The following ADGRA3 variants were observed in gnomAD, a reference collection of about 807,000 sequenced individuals.
ADGRA3 encodes the protein adhesion G protein-coupled receptor A3.
A neutral mutation model predicts 119.8 loss-of-function variants in ADGRA3; 56 were observed. That is an observed-to-expected ratio of 0.47 (90% confidence interval 0.38 to 0.58). The LOEUF (loss-of-function observed/expected upper bound fraction) is 0.58. ADGRA3 is among the 20% of genes least tolerant of loss of function. The probability of loss-of-function intolerance (pLI) is 0.00; values close to 1 mark genes in which losing one functional copy is unlikely to be tolerated. For synonymous variants in ADGRA3, 607 were observed against 623.8 expected, an observed-to-expected ratio of 0.97 and a Z score of 0.40; for missense variants, 1,516 against 1,649.0, an observed-to-expected ratio of 0.92 and a Z score of 1.40.
intron 2 of ADGRA3, among the ~76,000 whole-genome samples, chr4:22,465,714 T>C (rs189533476): frequency 5.3e-5 from 8 of 152,300 alleles, no homozygotes; most frequent in Admixed American, 6.5e-5. Flanking sequence ...GGCCAAGTTG[T>C]TGATTTTAAT....
At position 22,509,941 on chromosome 4, in the gene ADGRA3, C is replaced by A. The variant is rs529572657; in HGVS notation, c.257+5587G>T. On this transcript the variant is annotated intron_variant, in intron 1 of 18. Transcript: ENST00000334304. ...AGGAGAATGGCGTGAACCCGGGAGG[C>A]GGAGCTTGCAGTGAGCCGAGATCGC... Among the ~76,000 whole-genome samples the A allele has an allele frequency of 6.5e-3, 905 of 139,238 alleles. 7 individuals carry two copies. Among genetic ancestry groups the A allele is most frequent in the African/African-American group, 0.024 (870 of 36,974 alleles). The allele number at this position is 139,238 out of a possible 152,430, so 91.3% of individuals were successfully genotyped here.
intron 12 of ADGRA3, among the ~76,000 whole-genome samples, chr4:22,418,501 A>G (rs776470465): frequency 5.9e-5 from 9 of 152,166 alleles, no homozygotes; most frequent in Non-Finnish European, 1.3e-4. Flanking sequence ...TAGGAGAATT[A>G]GCACAAGCCT....
At chr4:22,404,006 A>G (rs546984288) in intron 14 of ADGRA3, among the ~76,000 whole-genome samples, 1 of 152,298 alleles carries the variant, frequency 6.6e-6, no homozygotes, top group South Asian at 2.1e-4. Flanking sequence ...AATGAAAACA[A>G]TGGGCATCTT....
At chr4:22,473,640 A>AT in intron 2 of ADGRA3, 132 bp downstream of exon 2, 1 of 552,202 alleles carries the variant, frequency 1.8e-6, no homozygotes, top group Admixed American at 3.6e-5. Flanking sequence ...AAAATTTTTC[A>AT]TTAAAAAATG....
chr4:22,473,948 T>G, intron 1 of ADGRA3, 105 bp from the exon 2 acceptor site: 1 of 615,702 alleles, frequency 1.6e-6, no homozygotes, highest in East Asian at 3.0e-5. Flanking sequence ...AGACATCATT[T>G]ATTAGCCAGA....
At chr4:22,432,019 TTGC>T (rs1428726453) in intron 10 of ADGRA3, among the ~76,000 whole-genome samples, 1 of 152,126 alleles carries the variant, frequency 6.6e-6, no homozygotes, top group Non-Finnish European at 1.5e-5. Flanking sequence ...AAGTGAGGGC[TTGC>T]TGTATTGAAA....
chr4:22,420,783 G>GA, intron 12 of ADGRA3, 103 bp downstream of exon 12: 2 of 1,138,214 alleles, frequency 1.8e-6, no homozygotes, highest in African/African-American at 3.1e-5. Flanking sequence ...CTATCTTCCT[G>GA]CAAAAAAAAA....
intron 4 of ADGRA3, among the ~76,000 whole-genome samples, chr4:22,449,605 G>C (rs35852147): frequency 0.04 from 6,114 of 152,200 alleles, 199 homozygotes; most frequent in East Asian, 0.18. Context: ...CCAGCACTTT[G>C]GGAGGCCAAG....
At chr4:22,500,366 C>A (rs747478153) in intron 1 of ADGRA3, among the ~76,000 whole-genome samples, 1 of 152,168 alleles carries the variant, frequency 6.6e-6, no homozygotes, top group Non-Finnish European at 1.5e-5. Context: ...GTAGACAATA[C>A]GGAGCTCATA....
intron 1 of ADGRA3, among the ~76,000 whole-genome samples, chr4:22,499,294 C>A (rs1718966483): frequency 6.6e-6 from 1 of 152,162 alleles, no homozygotes; most frequent in Non-Finnish European, 1.5e-5. Flanking sequence ...AATCATAGAA[C>A]TTTAGCAGTT....
chr4:22,470,320 TAA>T (rs35417919), intron 2 of ADGRA3, among the ~76,000 whole-genome samples: 7 of 141,294 alleles, frequency 5.0e-5, no homozygotes, highest in African/African-American at 1.1e-4. Flanking sequence ...GCTCCTAAAT[TAA>T]AAAAAAAAAA....
At position 22,444,920 on chromosome 4, in the gene ADGRA3, G is replaced by A. The variant is rs1577352969; in HGVS notation, c.706+53C>T. The A allele has an allele frequency of 2.3e-5, 36 of 1,567,002 alleles. 1 individual carries two copies. The East Asian group carries it at 8.1e-4, about 35-fold the overall frequency. On this transcript the variant is annotated intron_variant, in intron 6 of 18. Coordinates refer to ENST00000334304, the MANE Select transcript of ADGRA3 (RefSeq NM_145290.4). The stretch of plus-strand genomic sequence containing the variant: ...TCTTACAATTTGTCAAGAAAAACAT[G>A]GTAGCAAGTCAAAATATGGTAAATG...
chr4:22,458,817 C>A (rs889345357), intron 3 of ADGRA3, among the ~76,000 whole-genome samples: 1 of 152,106 alleles, frequency 6.6e-6, no homozygotes, highest in Non-Finnish European at 1.5e-5. Flanking sequence ...CATTAAAAGT[C>A]TTCACTAGAA....
chr4:22,478,495 G>A (rs1471518915), intron 1 of ADGRA3, among the ~76,000 whole-genome samples: 3 of 152,070 alleles, frequency 2.0e-5, no homozygotes, highest in Non-Finnish European at 4.4e-5. Context: ...CAAATGTGTT[G>A]GAGCTATAAT....
intron 4 of ADGRA3, among the ~76,000 whole-genome samples, chr4:22,451,635 T>C (rs1717045959): frequency 6.6e-6 from 1 of 151,868 alleles, no homozygotes; most frequent in South Asian, 2.1e-4. Context: ...ATTATTAAAT[T>C]TCCAAAGCCA....
intron 8 of ADGRA3, among the ~76,000 whole-genome samples, 197 bp from the exon 9 acceptor site, chr4:22,436,838 G>A (rs531463963): frequency 1.3e-5 from 2 of 152,272 alleles, no homozygotes; most frequent in East Asian, 3.9e-4. Flanking sequence ...AATTCAACAT[G>A]TTTAATACAA....
At chr4:22,429,253 C>T (rs1241480020) in intron 10 of ADGRA3, among the ~76,000 whole-genome samples, 4 of 152,164 alleles carry the variant, frequency 2.6e-5, no homozygotes, top group African/African-American at 7.2e-5. Flanking sequence ...CAAACACGTA[C>T]GTGCACTTCC....
In ADGRA3 at chr4:22,435,199, C is replaced by G. The variant is rs143917322; in HGVS notation, c.1443+112G>C. 4.3e-4 allele frequency: 394 copies of G among 919,702 alleles called. No homozygotes were observed. In the African/African-American group the frequency reaches 5.1e-3, roughly 12 times the overall value. 57.0% of individuals were successfully genotyped at this position (919,702 alleles called of 1,614,324 possible). A position where few individuals can be genotyped will look rare whatever the true frequency, so the allele number is the denominator to read the frequency against. On this transcript the variant is annotated intron_variant, in intron 10 of 18. Transcript: ENST00000334304. ...AAAATTCTGGAAATTTAAAAGCATG[C>G]TTTTAGCTCAAATATGATAAACATA...
rs1231888768 is a variant in ADGRA3, at chr4:22,435,419, C to T, written c.1335G>A (p.Leu445=). Residue 445 remains leucine, a synonymous_variant, in exon 10 of 19, where the codon CTG becomes CTA. Transcript: ENST00000334304. ...AGTTGGCTGCTTCCACAGTGTAAGC[C>T]AGTAACTGTCGAGCTGTTGCCACGG... The part of the protein sequence containing the change: ...TNAVATARQL[L]AYTVEAANFS... 2 of 1,611,324 alleles carry T rather than the reference C, an allele frequency of 1.2e-6. No homozygotes were observed. The highest frequency in any genetic ancestry group is 3.3e-5 in the Admixed American group (2 of 59,986).
Sources: allele counts gnomAD v4.1 joint callset (sites outside exome capture counted in the v4.1 genomes callset), GRCh38; gene constraint gnomAD v4.1.1; transcripts MANE v1.5; gene names NCBI Gene and HGNC (gene_info 2026-07-23, HGNC 2026-07-21).